CALN1: variants seen among roughly 807,000 people sequenced by gnomAD.
The protein encoded by CALN1 is calneuron 1, also known as calcium-binding protein 8.
A neutral mutation model predicts 30.6 loss-of-function variants in CALN1; 17 were observed. That is an observed-to-expected ratio of 0.56 (90% CI 0.38 to 0.83). The LOEUF (loss-of-function observed/expected upper bound fraction) is 0.83. CALN1 is among the 40% of genes least tolerant of loss of function. The pLI, the probability that CALN1 is intolerant of heterozygous loss-of-function variation, is 0.00. For missense variants in CALN1, 291 were observed against 354.9 expected, an observed-to-expected ratio of 0.82 and a Z score of 1.45; for synonymous variants, 156 against 131.4, an observed-to-expected ratio of 1.19 and a Z score of -1.28.
chr7:72,470,409 C>A, the CALN1 span, among the ~76,000 whole-genome samples: 1 of 152,028 alleles, frequency 6.6e-6, no homozygotes, highest in Non-Finnish European at 1.5e-5. Context: ...GGATGTACCC[C>A]CAGTAATGTA....
intron 2 of CALN1, among the ~76,000 whole-genome samples, chr7:72,366,012 A>G (rs965625801): frequency 7.9e-5 from 12 of 152,176 alleles, no homozygotes; most frequent in African/African-American, 2.7e-4. Context: ...ATAATCAGTC[A>G]ATTGCATAAA....
intron 2 of CALN1, among the ~76,000 whole-genome samples, chr7:72,288,123 C>A (rs1180956164): frequency 6.6e-6 from 1 of 152,096 alleles, no homozygotes; most frequent in Non-Finnish European, 1.5e-5. Flanking sequence ...TGATTGCGGT[C>A]AAGACACTGA....
chr7:71,857,034 G>A lies in CALN1; in HGVS notation c.502-46542C>T, dbSNP rs7790751. 3.1e-3 allele frequency among the ~76,000 whole-genome samples: 433 copies of A among 141,574 alleles called. 2 individuals carry two copies. The highest frequency in any genetic ancestry group is 0.013 in the African/African-American group (409 of 32,028). 92.9% of individuals were successfully genotyped at this position (141,574 alleles called of 152,430 possible). ...TATATGTATGTGTGTGTGTGTGTGT[G>A]TGTGTGTGTGTGTGTGTGTGTGTGT... On this transcript the variant is annotated intron_variant, in intron 5 of 6. Coordinates refer to ENST00000395275, the MANE Select transcript of CALN1 (RefSeq NM_031468.4).
chr7:71,951,616 A>G (rs1796695968), intron 5 of CALN1, among the ~76,000 whole-genome samples: 1 of 150,386 alleles, frequency 6.6e-6, no homozygotes, highest in South Asian at 2.1e-4. Flanking sequence ...AAAACAAAAC[A>G]ACAACAACAA....
chr7:72,086,789 AT>A (rs1563045426), intron 4 of CALN1, among the ~76,000 whole-genome samples: 1 of 152,224 alleles, frequency 6.6e-6, no homozygotes, highest in African/African-American at 2.4e-5. Flanking sequence ...AAATAAAAAA[AT>A]AGTCAAACTT....
At chr7:72,048,061 A>G in intron 4 of CALN1, among the ~76,000 whole-genome samples, 1 of 131,424 alleles carries the variant, frequency 7.6e-6, no homozygotes, top group African/African-American at 2.9e-5. Context: ...TTTTTTTGAG[A>G]CAGAGTCTTG....
intron 3 of CALN1, among the ~76,000 whole-genome samples, chr7:72,265,979 A>T (rs578231185): frequency 6.6e-6 from 1 of 151,988 alleles, no homozygotes; most frequent in African/African-American, 2.4e-5. Context: ...CCAAAAATAA[A>T]AAACAAAACA....
intron 5 of CALN1, among the ~76,000 whole-genome samples, chr7:71,927,754 C>A (rs1053661950): frequency 1.6e-4 from 24 of 152,112 alleles, no homozygotes; most frequent in African/African-American, 4.6e-4. Flanking sequence ...CAGCCTTGGT[C>A]TTAGGAAGGC....
At chr7:72,224,799 C>T (rs1018564131) in intron 3 of CALN1, among the ~76,000 whole-genome samples, 1 of 151,580 alleles carries the variant, frequency 6.6e-6, no homozygotes, top group African/African-American at 2.4e-5. Flanking sequence ...AAAAAAAGAG[C>T]AGGATAAGGC....
At chr7:72,243,347 G>C (rs750457799) in intron 3 of CALN1, among the ~76,000 whole-genome samples, 1 of 152,172 alleles carries the variant, frequency 6.6e-6, no homozygotes, top group Non-Finnish European at 1.5e-5. Context: ...ACAAACTTTT[G>C]TTATTTAAGC....
intron 4 of CALN1, among the ~76,000 whole-genome samples, chr7:72,087,886 G>A (rs1184409791): frequency 6.6e-6 from 1 of 152,094 alleles, no homozygotes; most frequent in African/African-American, 2.4e-5. Context: ...GTGTACGCTG[G>A]GCGTGATGGT....
At chr7:72,233,798 G>A (rs1038991558) in intron 3 of CALN1, among the ~76,000 whole-genome samples, 1 of 152,102 alleles carries the variant, frequency 6.6e-6, no homozygotes, top group Non-Finnish European at 1.5e-5. Context: ...GAGGTCAGGA[G>A]TTCAAGACCA....
chr7:72,349,805 A>C (rs2129559221), intron 2 of CALN1, among the ~76,000 whole-genome samples: 1 of 152,222 alleles, frequency 6.6e-6, no homozygotes, highest in East Asian at 1.9e-4. Flanking sequence ...TTTGCTTGTT[A>C]ATTTAAGCAC....
At chr7:71,891,189 AGTTT>A (rs1382496252) in intron 5 of CALN1, among the ~76,000 whole-genome samples, 5 of 152,210 alleles carry the variant, frequency 3.3e-5, no homozygotes, top group Non-Finnish European at 4.4e-5. Flanking sequence ...TTGTGTTCTT[AGTTT>A]GTTTCGATTT....
chr7:72,289,873 G>C (rs531808209), intron 2 of CALN1, among the ~76,000 whole-genome samples: 1 of 151,838 alleles, frequency 6.6e-6, no homozygotes, highest in Non-Finnish European at 1.5e-5. Flanking sequence ...GGAGCCCGGA[G>C]TTCAAGACCA....
intron 4 of CALN1, among the ~76,000 whole-genome samples, chr7:72,074,952 A>T (rs563082547): frequency 1.3e-5 from 2 of 152,366 alleles, no homozygotes; most frequent in African/African-American, 4.8e-5. Context: ...AAAACTTATT[A>T]ATTAAATGGT....
intron 2 of CALN1, among the ~76,000 whole-genome samples, chr7:72,319,687 G>C (rs949919433): frequency 2.6e-5 from 4 of 152,184 alleles, no homozygotes; most frequent in Non-Finnish European, 4.4e-5. Context: ...AATATACTAT[G>C]TTAACAAATA....
upstream of CALN1, among the ~76,000 whole-genome samples, chr7:72,447,923 C>T (rs893718950): frequency 3.3e-5 from 5 of 151,202 alleles, no homozygotes; most frequent in Admixed American, 2.6e-4. Flanking sequence ...CATACACACA[C>T]GCTTGCCCAT....
intron 3 of CALN1, among the ~76,000 whole-genome samples, chr7:72,149,667 T>G (rs1351748344): frequency 6.6e-6 from 1 of 152,100 alleles, no homozygotes; most frequent in Non-Finnish European, 1.5e-5. Context: ...TTCCCTATTT[T>G]CAGGGAGGCA....
Sources: allele counts gnomAD v4.1 joint callset (sites outside exome capture counted in the v4.1 genomes callset), GRCh38; gene constraint gnomAD v4.1.1; transcripts MANE v1.5; gene names NCBI Gene and HGNC (gene_info 2026-07-23, HGNC 2026-07-21).